Variants in PRDM16 observed in about 807,000 individuals in gnomAD.
PRDM16 encodes PR/SET domain 16.
In PRDM16, 23 loss-of-function variants were observed where a neutral mutation model predicts 110.6. The observed-to-expected ratio is 0.21, with a 90% CI of 0.15 to 0.29. The LOEUF (loss-of-function observed/expected upper bound fraction) is 0.29. PRDM16 is among the 10% of genes least tolerant of loss of function. The pLI, the probability that PRDM16 is intolerant of heterozygous loss-of-function variation, is 1.00. For missense variants in PRDM16, 1,615 were observed against 1,794.3 expected, an observed-to-expected ratio of 0.90 and a Z score of 1.81; for synonymous variants, 799 against 781.8, an observed-to-expected ratio of 1.02 and a Z score of -0.37.
intron 3 of PRDM16, among the ~76,000 whole-genome samples, chr1:3,371,713 G>A (rs558280009): frequency 1.1e-4 from 16 of 152,362 alleles, no homozygotes; most frequent in Middle Eastern, 6.8e-3. Flanking sequence ...AGAGTGAGCA[G>A]GGCAGGGCGA....
rs574966363 is a variant in PRDM16, at chr1:3,157,607, G to A, written c.38-28518G>A. ...TCATGGGTGGGGAATTACAGGGAAA[G>A]TGGACCTGTCGGCTCTGTTCATGGA... On this transcript the variant is annotated intron_variant, in intron 1 of 16. Coordinates refer to ENST00000270722, the MANE Select transcript of PRDM16 (RefSeq NM_022114.4). This position sits in a 1 kb window ranked among gnomAD's most constrained non-coding sequence, Gnocchi z 4.8. 6.6e-6 allele frequency among the ~76,000 whole-genome samples: 1 copy of A among 152,302 alleles called. No individual in the cohort carries two copies. The highest frequency in any genetic ancestry group is 2.1e-4 in the South Asian group (1 of 4,818).
intron 1 of PRDM16, among the ~76,000 whole-genome samples, chr1:3,181,130 T>G (rs1644159853): frequency 1.5e-5 from 2 of 130,872 alleles, no homozygotes; most frequent in Non-Finnish European, 3.3e-5. Context: ...ACACGCAGTC[T>G]TACACGCGGT....
At position 3,335,638 on chromosome 1, in the gene PRDM16, CA is replaced by C. The variant is rs1570095521; in HGVS notation, c.439-49513del. Among the ~76,000 whole-genome samples the C allele has an allele frequency of 9.2e-5, 14 of 151,860 alleles. 1 individual carries two copies. The South Asian group carries it at 2.9e-3, about 32-fold the overall frequency. ...ACACACACACACACACACACACACA[CA>C]CACCCTTGGACATAAATCTGCAAAT... On this transcript the variant is annotated intron_variant, in intron 3 of 16. Transcript: ENST00000270722.
intron 3 of PRDM16, among the ~76,000 whole-genome samples, chr1:3,318,583 A>G (rs1469477407): frequency 6.6e-6 from 1 of 152,216 alleles, no homozygotes; most frequent in Non-Finnish European, 1.5e-5. Context: ...TCGATTGATC[A>G]TCTATCACTC....
chr1:3,090,663 TC>T (rs1642257078), intron 1 of PRDM16, among the ~76,000 whole-genome samples: 2 of 152,300 alleles, frequency 1.3e-5, no homozygotes, highest in South Asian at 4.1e-4. Flanking sequence ...GCCTGGCTAC[TC>T]CCCAGTCTGA....
intron 1 of PRDM16, among the ~76,000 whole-genome samples, chr1:3,152,107 C>A (rs1643785117): frequency 6.6e-6 from 1 of 152,190 alleles, no homozygotes; most frequent in South Asian, 2.1e-4. Flanking sequence ...CAGACATAGG[C>A]TGAGCATGGA....
At chr1:3,113,776 G>C (rs571597711) in intron 1 of PRDM16, among the ~76,000 whole-genome samples, 2 of 152,344 alleles carry the variant, frequency 1.3e-5, no homozygotes, top group South Asian at 4.1e-4. Flanking sequence ...CTGGGCCAGA[G>C]GCAGAGGCTG....
At chr1:3,409,535 G>A (rs1643632766) in intron 8 of PRDM16, among the ~76,000 whole-genome samples, 1 of 152,190 alleles carries the variant, frequency 6.6e-6, no homozygotes, top group Admixed American at 6.5e-5. Flanking sequence ...GGAGTCGAAG[G>A]AGATCAGGCA....
chr1:3,174,749 C>T (rs1644066093), intron 1 of PRDM16, among the ~76,000 whole-genome samples: 1 of 152,136 alleles, frequency 6.6e-6, no homozygotes, highest in South Asian at 2.1e-4. Context: ...TCTCTGAGGT[C>T]AGGGCTCCGT....
chr1:3,073,380 T>C (rs1641813611), intron 1 of PRDM16, among the ~76,000 whole-genome samples: 1 of 152,254 alleles, frequency 6.6e-6, no homozygotes, highest in Non-Finnish European at 1.5e-5. Context: ...TCAACAAAAA[T>C]TATCCGGGAT....
rs897179356 is a variant in PRDM16 at position 3,201,294 on chromosome 1, A to G, written c.387+14820A>G. ...CCTCTAAAATTCGCTTTGTCATGGG[A>G]TTTAAAATTACTTCAATTGCACTGA... On this transcript the variant is annotated intron_variant, in intron 2 of 16. Coordinates refer to ENST00000270722, the MANE Select transcript of PRDM16 (RefSeq NM_022114.4). The surrounding 1 kb of genome is among the most constrained non-coding windows in gnomAD (Gnocchi z 4.1). Among the ~76,000 whole-genome samples, 13 of 145,348 alleles carry G rather than the reference A, an allele frequency of 8.9e-5. No individual in the cohort carries two copies. Among genetic ancestry groups the G allele is most frequent in the Non-Finnish European group, 1.7e-4 (11 of 65,930 alleles).
intron 1 of PRDM16, among the ~76,000 whole-genome samples, chr1:3,082,337 C>T (rs990027677): frequency 6.6e-6 from 1 of 152,194 alleles, no homozygotes; most frequent in Non-Finnish European, 1.5e-5. Flanking sequence ...GCCTCGGGGT[C>T]TGCCTGGCCA....
intron 3 of PRDM16, among the ~76,000 whole-genome samples, chr1:3,278,372 CAG>C (rs1198925636): frequency 3.9e-5 from 6 of 152,250 alleles, no homozygotes; most frequent in African/African-American, 1.4e-4. Context: ...GGATGGCAAA[CAG>C]GGAGCTGAAT....
chr1:3,107,529 G>T (rs576276973), intron 1 of PRDM16, among the ~76,000 whole-genome samples: 1 of 152,344 alleles, frequency 6.6e-6, no homozygotes, highest in East Asian at 1.9e-4. Context: ...GGAGCCTGCG[G>T]ATCTCCTTAC....
intron 2 of PRDM16, among the ~76,000 whole-genome samples, chr1:3,187,033 C>T (rs1341310673): frequency 4.6e-5 from 7 of 152,242 alleles, no homozygotes; most frequent in Admixed American, 2.0e-4. Context: ...TTTCCCACCA[C>T]GACGTGACTG....
chr1:3,405,761 G>A, intron 8 of PRDM16, 113 bp downstream of exon 8: 1 of 1,119,630 alleles, frequency 8.9e-7, no homozygotes, highest in East Asian at 2.8e-5. Context: ...GCCCCAGTTT[G>A]TTCATAAAGC....
At chr1:3,325,939 CT>C (rs1641883894) in intron 3 of PRDM16, among the ~76,000 whole-genome samples, 1 of 142,570 alleles carries the variant, frequency 7.0e-6, no homozygotes, top group African/African-American at 2.6e-5. Flanking sequence ...CCTCTTGGCC[CT>C]CCTTGGCCAT....
chr1:3,373,235 G>T (rs550653209), intron 3 of PRDM16, among the ~76,000 whole-genome samples: 2 of 152,140 alleles, frequency 1.3e-5, no homozygotes, highest in Admixed American at 1.3e-4. Flanking sequence ...CTGCAGTGCC[G>T]GCGGGAAACG....
chr1:3,173,612 G>A (rs1644053302), intron 1 of PRDM16, among the ~76,000 whole-genome samples: 1 of 152,188 alleles, frequency 6.6e-6, no homozygotes, highest in African/African-American at 2.4e-5. Context: ...CTTTGTGGTG[G>A]TCTGTGCAGC....
Sources: gnomAD v4.1 joint callset for allele counts (sites outside exome capture counted in the v4.1 genomes callset) on GRCh38, gnomAD v4.1.1 for gene constraint, Gnocchi (gnomAD v3.1) non-coding constraint, MANE v1.5 for transcripts, NCBI Gene and HGNC (gene_info 2026-07-23, HGNC 2026-07-21) for gene names.